The following LYRM4 variants were observed in gnomAD, a reference collection of about 807,000 sequenced individuals.
LYRM4 encodes the protein LYR motif-containing protein 4.
A neutral mutation model predicts 11.7 loss-of-function variants in LYRM4; 9 were observed. The ratio of observed to expected loss-of-function variants is 0.77; its 90% CI spans 0.46 to 1.34. LYRM4 has a LOEUF of 1.34. Among genes scored for constraint, LYRM4 ranks in the 40% most tolerant of loss-of-function variants. The pLI is 0.00. For synonymous variants in LYRM4, 42 were observed against 40.4 expected, an observed-to-expected ratio of 1.04 and a Z score of -0.15; for missense variants, 133 against 112.5, an observed-to-expected ratio of 1.18 and a Z score of -0.82.
chr6:5,204,410 C>A (rs1053753740), intron 2 of LYRM4, among the ~76,000 whole-genome samples: 1 of 152,116 alleles, frequency 6.6e-6, no homozygotes, highest in South Asian at 2.1e-4. Context: ...ACAGGACTCA[C>A]TGGTGTGAAA....
chr6:5,095,098 G>A, the LYRM4 span, among the ~76,000 whole-genome samples: 3 of 152,064 alleles, frequency 2.0e-5, no homozygotes, highest in Non-Finnish European at 4.4e-5. Context: ...CCCCAAATAT[G>A]TACAACTATT....
intron 2 of LYRM4, among the ~76,000 whole-genome samples, chr6:5,193,202 G>A (rs1018455393): frequency 6.6e-6 from 1 of 152,024 alleles, no homozygotes; most frequent in African/African-American, 2.4e-5. Context: ...AACAACCCTT[G>A]GGGTTACAGG....
chr6:5,119,657 G>T (rs1409357570), intron 2 of LYRM4, among the ~76,000 whole-genome samples: 1 of 151,818 alleles, frequency 6.6e-6, no homozygotes, highest in Non-Finnish European at 1.5e-5. Flanking sequence ...GGACGTGGTG[G>T]CCCATGCCTG....
intron 1 of LYRM4, among the ~76,000 whole-genome samples, chr6:5,260,292 A>G (rs116361549): frequency 6.6e-6 from 1 of 152,230 alleles, no homozygotes; most frequent in African/African-American, 2.4e-5. Flanking sequence ...GAAGTTTTAC[A>G]TATGCAACAC....
At chr6:5,068,016 A>T in the LYRM4 span, among the ~76,000 whole-genome samples, 7 of 152,226 alleles carry the variant, frequency 4.6e-5, no homozygotes, top group Non-Finnish European at 8.8e-5. The surrounding 1 kb of genome is among the most constrained non-coding windows in gnomAD (Gnocchi z 4.0). Context: ...TCACAGTGCT[A>T]AATGTGCTAT....
chr6:5,037,830 C>T, the LYRM4 span, among the ~76,000 whole-genome samples: 1 of 60,382 alleles, frequency 1.7e-5, no homozygotes. Context: ...CCCCCCTCCC[C>T]CCTCCCGGAC....
intron 2 of LYRM4, among the ~76,000 whole-genome samples, chr6:5,175,375 G>A (rs1274286113): frequency 6.6e-6 from 1 of 152,158 alleles, no homozygotes; most frequent in African/African-American, 2.4e-5. Flanking sequence ...GTCAGCCACA[G>A]CGCCCTCCAC....
intron 2 of LYRM4, among the ~76,000 whole-genome samples, chr6:5,158,831 C>T (rs1407504788): frequency 1.3e-5 from 2 of 152,104 alleles, no homozygotes; most frequent in Non-Finnish European, 2.9e-5. Context: ...GCAGCCATTG[C>T]CTTTGCCAGG....
intron 2 of LYRM4, among the ~76,000 whole-genome samples, chr6:5,212,362 C>T (rs1762028681): frequency 6.6e-6 from 1 of 152,190 alleles, no homozygotes; most frequent in African/African-American, 2.4e-5. Flanking sequence ...TGCCTTTTTG[C>T]TGTTCCTGAT....
At chr6:5,161,787 T>C (rs1190665704) in intron 2 of LYRM4, among the ~76,000 whole-genome samples, 1 of 152,166 alleles carries the variant, frequency 6.6e-6, no homozygotes, top group African/African-American at 2.4e-5. Flanking sequence ...ATCAGTGTAG[T>C]AGGGCTGAGG....
At chr6:5,252,595 T>C (rs778811050) in intron 1 of LYRM4, among the ~76,000 whole-genome samples, 1 of 152,180 alleles carries the variant, frequency 6.6e-6, no homozygotes. Flanking sequence ...CTTCCCACCG[T>C]TTTCTCTCTG....
Position 5,232,836 on chromosome 6 carries a change from T to A in LYRM4, c.87-16098A>T, listed in dbSNP as rs569550890. Among the ~76,000 whole-genome samples, 49 of 152,324 alleles carry A rather than the reference T, an allele frequency of 3.2e-4. 1 individual carries two copies. In the South Asian group the frequency reaches 7.7e-3, roughly 24 times the overall value. ...AAGAAGGTATTTGGCCTCAGTATTG[T>A]TTGTAATTCCATGATACAATAAGCC... is the stretch of plus-strand genomic sequence containing the variant. On this transcript the variant is annotated intron_variant, in intron 1 of 2. Transcript: ENST00000330636.
At chr6:5,235,020 C>T (rs773472701) in intron 1 of LYRM4, among the ~76,000 whole-genome samples, 40 of 152,166 alleles carry the variant, frequency 2.6e-4, no homozygotes, top group Non-Finnish European at 4.6e-4. Flanking sequence ...CCCGGGGACT[C>T]ACTGCAGGTC....
At chr6:5,217,627 C>T (rs1762349370) in intron 1 of LYRM4, among the ~76,000 whole-genome samples, 1 of 152,246 alleles carries the variant, frequency 6.6e-6, no homozygotes, top group African/African-American at 2.4e-5. Context: ...TAAATGAAAG[C>T]TATTCTTCTT....
In LYRM4 at chr6:5,260,729, G is replaced by T; in HGVS notation, c.5C>A (p.Ala2Glu). M[A>E]ASSRAQVLSL... ...TAACACTTGTGCGCGACTGGAGGCT[G>T]CCATTTTGGAAAGAAAAAAAAATAA... The change falls in exon 1 of 3, where the codon GCA becomes GAA. Residue 2 changes from alanine to glutamate, a missense_variant. By Grantham distance (107) the Ala-to-Glu change is moderately radical (BLOSUM62 -1). Coordinates refer to ENST00000330636, the MANE Select transcript of LYRM4 (RefSeq NM_020408.6). The T allele has an allele frequency of 6.5e-7, 1 of 1,548,622 alleles. No individual in the cohort carries two copies.
At chr6:5,207,589 C>G (rs879589184) in intron 2 of LYRM4, among the ~76,000 whole-genome samples, 1 of 152,154 alleles carries the variant, frequency 6.6e-6, no homozygotes, top group Non-Finnish European at 1.5e-5. Flanking sequence ...AGTGAGGCAT[C>G]AAAAAGTTTC....
the LYRM4 span, among the ~76,000 whole-genome samples, chr6:5,062,883 G>C: frequency 6.6e-6 from 1 of 152,186 alleles, no homozygotes; most frequent in Non-Finnish European, 1.5e-5. Context: ...GCAAATCAAA[G>C]CCTGCCGCAA....
At chr6:5,095,777 C>T in the LYRM4 span, among the ~76,000 whole-genome samples, 323 of 152,088 alleles carry the variant, frequency 2.1e-3, no homozygotes, top group African/African-American at 6.9e-3. Flanking sequence ...GTCAGGAGTT[C>T]GAAGCCAGCC....
chr6:5,240,485 A>G (rs992959362), intron 1 of LYRM4: 1 of 151,828 alleles, frequency 6.6e-6, no homozygotes, highest in Non-Finnish European at 1.5e-5. Context: ...ATCTATTAAA[A>G]TACCAACTGT....
Sources: gnomAD v4.1 joint callset for allele counts (sites outside exome capture counted in the v4.1 genomes callset) on GRCh38, gnomAD v4.1.1 for gene constraint, Gnocchi (gnomAD v3.1) non-coding constraint, MANE v1.5 for transcripts, NCBI Gene and HGNC (gene_info 2026-07-23, HGNC 2026-07-21) for gene names.